PI4KA: variants seen among roughly 807,000 people sequenced by gnomAD.
PI4KA encodes phosphatidylinositol 4-kinase alpha.
Under a neutral mutation model 271.4 loss-of-function variants are expected in PI4KA, and 122 were observed. The ratio of observed to expected loss-of-function variants is 0.45; its 90% confidence interval spans 0.39 to 0.52. The LOEUF (loss-of-function observed/expected upper bound fraction) is 0.52. Ranked by LOEUF, PI4KA falls within the 20% of genes least tolerant of loss-of-function variation. The pLI, the probability that PI4KA is intolerant of heterozygous loss-of-function variation, is 0.00. For missense variants in PI4KA, 1,969 were observed against 2,769.1 expected (o/e 0.71, Z 6.48); for synonymous variants, 1,041 against 1,078.8 (o/e 0.96, Z 0.69).
intron 32 of PI4KA, among the ~76,000 whole-genome samples, chr22:20,737,446 A>AG (rs1195729003): frequency 2.0e-5 from 3 of 151,944 alleles, no homozygotes; most frequent in Non-Finnish European, 2.9e-5. Flanking sequence ...CTCCTATCTG[A>AG]GGACCCACTC....
chr22:20,710,501 G>A (rs1483627501), intron 52 of PI4KA, 198 bp downstream of exon 52: 4 of 623,158 alleles, frequency 6.4e-6, no homozygotes, highest in Non-Finnish European at 1.2e-5. Flanking sequence ...GGGGAAGGTG[G>A]TTGGAATTAG....
At chr22:20,747,507 C>T (rs1930246050) in intron 29 of PI4KA, 76 bp downstream of exon 29, 15 of 1,520,898 alleles carry the variant, frequency 9.9e-6, no homozygotes, top group Middle Eastern at 2.0e-4. Flanking sequence ...AAGCGACAGC[C>T]GAGCTCTAAG....
At chr22:20,739,325 C>T (rs1456151012) in intron 32 of PI4KA, among the ~76,000 whole-genome samples, 5 of 145,474 alleles carry the variant, frequency 3.4e-5, no homozygotes, top group African/African-American at 1.3e-4. Flanking sequence ...GGTGACAGAG[C>T]GAGACTCCAT....
rs1338634507 is a variant in PI4KA at position 20,803,175 on chromosome 22, CAT to C, written c.1591+14_1591+15del. The C allele has an allele frequency of 6.2e-7, 1 of 1,613,710 alleles. No homozygotes were observed. The highest frequency in any genetic ancestry group is 8.5e-7 in the Non-Finnish European group (1 of 1,179,676). On this transcript the variant is annotated intron_variant, in intron 13 of 54. Coordinates refer to ENST00000255882, the MANE Select transcript of PI4KA (RefSeq NM_058004.4). ...CCCCTTTCTCAGGGCCTGAAGGGCA[CAT>C]AGTCTGTTATTACCTGTGTGGTACT...
intron 1 of PI4KA, among the ~76,000 whole-genome samples, chr22:20,839,733 G>A (rs1469993214): frequency 6.6e-6 from 1 of 152,186 alleles, no homozygotes; most frequent in Non-Finnish European, 1.5e-5. Context: ...AGGAGGCTGA[G>A]GCAGGAGAAT....
At chr22:20,766,776 C>T (rs943891904) in intron 19 of PI4KA, among the ~76,000 whole-genome samples, 3 of 152,118 alleles carry the variant, frequency 2.0e-5, no homozygotes, top group Non-Finnish European at 4.4e-5. Flanking sequence ...CTGTGGTAAG[C>T]GGGGGCTTTG....
At chr22:20,844,679 A>C (rs1926028725) in intron 1 of PI4KA, among the ~76,000 whole-genome samples, 1 of 152,102 alleles carries the variant, frequency 6.6e-6, no homozygotes, top group African/African-American at 2.4e-5. Context: ...AAACCATCAC[A>C]CCCAGTTCTG....
intron 43 of PI4KA, among the ~76,000 whole-genome samples, chr22:20,719,466 C>T (rs566770566): frequency 2.0e-4 from 31 of 152,138 alleles, no homozygotes; most frequent in African/African-American, 7.5e-4. Flanking sequence ...GGGATGTGCA[C>T]GAAGCACTCT....
intron 3 of PI4KA, among the ~76,000 whole-genome samples, chr22:20,834,201 C>T (rs992980037): frequency 6.6e-6 from 1 of 152,156 alleles, no homozygotes; most frequent in African/African-American, 2.4e-5. Flanking sequence ...ACTGACCTCA[C>T]TCCAGGAGTG....
chr22:20,718,693 T>A lies in PI4KA; in HGVS notation c.5246A>T (p.Lys1749Met). The A allele has an allele frequency of 6.2e-7, 1 of 1,613,300 alleles. No homozygotes were observed. Residue 1749 changes from lysine to methionine, a missense_variant and splice_region_variant, in exon 44 of 55, where the codon AAG becomes ATG. Transcript: ENST00000255882. ...GTGGTTTCTGAAGCACTGCACTTAC[T>A]TGATGATAGCCGACACGTTGGTGAT... Reference protein sequence around the residue: ...NKITNVSAIIKPYPKGDERKK... With the variant: ...NKITNVSAIIMPYPKGDERKK...
chr22:20,727,096 G>C, intron 41 of PI4KA, 134 bp downstream of exon 41: 2 of 689,340 alleles, frequency 2.9e-6, no homozygotes, highest in South Asian at 4.2e-5. Flanking sequence ...ACAACTACTT[G>C]AGCAAAAAAC....
intron 12 of PI4KA, among the ~76,000 whole-genome samples, chr22:20,804,099 C>T (rs1257494928): frequency 2.0e-5 from 3 of 152,230 alleles, no homozygotes; most frequent in Admixed American, 1.3e-4. Flanking sequence ...ATGCCACTGA[C>T]AGAAAGCCCT....
At chr22:20,828,483 C>T (rs1191889906) in intron 3 of PI4KA, among the ~76,000 whole-genome samples, 2 of 152,022 alleles carry the variant, frequency 1.3e-5, no homozygotes, top group Non-Finnish European at 2.9e-5. Context: ...ATAATGATGG[C>T]TATGGGTTTG....
At chr22:20,775,189 C>T (rs571055491) in intron 19 of PI4KA, among the ~76,000 whole-genome samples, 8 of 151,140 alleles carry the variant, frequency 5.3e-5, no homozygotes, top group Non-Finnish European at 8.8e-5. Flanking sequence ...ATATGAAGTT[C>T]CCAGGAAAAA....
At chr22:20,758,644 G>T (rs191805527) in intron 23 of PI4KA, among the ~76,000 whole-genome samples, 1 of 151,956 alleles carries the variant, frequency 6.6e-6, no homozygotes, top group Non-Finnish European at 1.5e-5. Context: ...GACGGATGAG[G>T]GGAACAGATC....
At chr22:20,787,285 TA>T (rs1934326440) in intron 19 of PI4KA, 3 of 585,564 alleles carry the variant, frequency 5.1e-6, no homozygotes, top group African/African-American at 3.7e-5. Flanking sequence ...GAAGTCACTG[TA>T]ACTGTAGTGT....
At chr22:20,797,609 T>C (rs1051963536) in intron 17 of PI4KA, among the ~76,000 whole-genome samples, 2 of 152,230 alleles carry the variant, frequency 1.3e-5, no homozygotes, top group Non-Finnish European at 2.9e-5. Flanking sequence ...GTAGTATCGA[T>C]GCGAGAGACA....
At chr22:20,715,702 T>C (rs1601317920) in intron 45 of PI4KA, among the ~76,000 whole-genome samples, 1 of 151,948 alleles carries the variant, frequency 6.6e-6, no homozygotes, top group East Asian at 1.9e-4. Context: ...CTGGAACTCC[T>C]TACCTGAGGT....
intron 29 of PI4KA, among the ~76,000 whole-genome samples, chr22:20,745,149 C>G (rs886673017): frequency 4.6e-5 from 7 of 152,232 alleles, no homozygotes; most frequent in African/African-American, 1.7e-4. Flanking sequence ...GCTGGCTGCT[C>G]TTCAGTCTAA....
Sources: gnomAD v4.1 joint callset for allele counts (sites outside exome capture counted in the v4.1 genomes callset) on GRCh38, gnomAD v4.1.1 for gene constraint, MANE v1.5 for transcripts, NCBI Gene and HGNC (gene_info 2026-07-23, HGNC 2026-07-21) for gene names.